CRAMP1: variants seen among roughly 807,000 people sequenced by gnomAD.
The protein encoded by CRAMP1 is protein cramped-like.
Under a neutral mutation model 115.4 loss-of-function variants are expected in CRAMP1, and 50 were observed. The ratio of observed to expected loss-of-function variants is 0.43; its 90% CI spans 0.35 to 0.55. CRAMP1 has a LOEUF of 0.55. Among genes scored for constraint, CRAMP1 ranks in the 20% least tolerant of loss-of-function variants. The pLI, the probability that CRAMP1 is intolerant of heterozygous loss-of-function variation, is 0.01. For missense variants in CRAMP1, 1,679 were observed against 1,721.7 expected (o/e 0.98, Z 0.44); for synonymous variants, 866 against 745.4 (o/e 1.16, Z -2.64).
At chr16:1,613,547 C>G (rs577732513) in intron 1 of CRAMP1, among the ~76,000 whole-genome samples, 1 of 152,194 alleles carries the variant, frequency 6.6e-6, no homozygotes, top group Non-Finnish European at 1.5e-5. Flanking sequence ...CACACGTGCC[C>G]GTCCCGGACT....
chr16:1,662,096 G>A (rs771690491), intron 11 of CRAMP1, among the ~76,000 whole-genome samples: 2 of 152,158 alleles, frequency 1.3e-5, no homozygotes, highest in East Asian at 3.9e-4. Flanking sequence ...CCCCAGAGAC[G>A]GTGTGGTCTA....
chr16:1,667,708 C>T (rs536754718), intron 17 of CRAMP1, among the ~76,000 whole-genome samples: 9 of 152,328 alleles, frequency 5.9e-5, no homozygotes, highest in Admixed American at 2.6e-4. Context: ...ACTCCCCCAG[C>T]CCCCACTCTC....
At position 1,674,137 on chromosome 16, in the gene CRAMP1, C is replaced by G; in HGVS notation, c.*92C>G. On this transcript the variant is annotated 3_prime_UTR_variant, in exon 21 of 21. Transcript: ENST00000397412. Reference sequence around the variant, plus strand: ...CAGAAGATGGTCTGAACAGAGGCATCTCCGCACCCAAGACTGTGCAACGGG... The same window carrying G: ...CAGAAGATGGTCTGAACAGAGGCATGTCCGCACCCAAGACTGTGCAACGGG... 1 of 1,293,664 alleles carries G rather than the reference C, an allele frequency of 7.7e-7. No individual in the cohort carries two copies. Among genetic ancestry groups the G allele is most frequent in the Non-Finnish European group, 1.1e-6 (1 of 938,022 alleles). 80.1% of individuals were successfully genotyped at this position (1,293,664 alleles called of 1,614,324 possible). A position where few individuals can be genotyped will look rare whatever the true frequency, so the allele number is the denominator to read the frequency against.
rs547491736 is a variant in CRAMP1, at chr16:1,615,961, G to A, written c.346+976G>A. Among the ~76,000 whole-genome samples, 4 of 152,314 alleles carry A rather than the reference G, an allele frequency of 2.6e-5. No individual in the cohort carries two copies. The East Asian group carries it at 7.7e-4, about 29-fold the overall frequency. Reference sequence around the variant, plus strand: ...AGGAAATATATTACGAACTAATGGAGAACCTGCTTTGGAGATCTGTGCCAC... The same window carrying A: ...AGGAAATATATTACGAACTAATGGAAAACCTGCTTTGGAGATCTGTGCCAC... On this transcript the variant is annotated intron_variant, in intron 2 of 20. Transcript: ENST00000397412.
intron 2 of CRAMP1, among the ~76,000 whole-genome samples, chr16:1,618,333 G>A (rs1024891176): frequency 2.0e-5 from 3 of 152,184 alleles, no homozygotes; most frequent in African/African-American, 7.2e-5. Context: ...GTCACAAGGT[G>A]TTTTACAGGC....
chr16:1,614,311 C>CCCGGGG lies in CRAMP1; in HGVS notation c.-1-304_-1-299dup, dbSNP rs562220790. 4.4e-3 allele frequency among the ~76,000 whole-genome samples: 630 copies of CCCGGGG among 144,264 alleles called. 4 individuals carry two copies. The highest frequency in any genetic ancestry group is 9.4e-3 in the African/African-American group (378 of 40,078). The allele number at this position is 144,264 out of a possible 152,430, so 94.6% of individuals were successfully genotyped here. ...CGCCCGCGCCGGGGCTCCCATAGACCCCGGGGCCGGGGCCGGGGCCGGGGC... is the reference window on the plus strand; with the variant it reads ...CGCCCGCGCCGGGGCTCCCATAGACCCCGGGGCCGGGGCCGGGGCCGGGGCCGGGGC... On this transcript the variant is annotated intron_variant, in intron 1 of 20. Coordinates refer to ENST00000397412, the MANE Select transcript of CRAMP1 (RefSeq NM_020825.4). This position sits in a 1 kb window ranked among gnomAD's most constrained non-coding sequence, Gnocchi z 4.4.
chr16:1,666,289 C>A lies in CRAMP1; in HGVS notation c.2857+112C>A. 8.5e-7 allele frequency: 1 copy of A among 1,170,634 alleles called. No individual in the cohort carries two copies. The highest frequency in any genetic ancestry group is 1.2e-6 in the Non-Finnish European group (1 of 807,794). 72.5% of individuals were successfully genotyped at this position (1,170,634 alleles called of 1,614,324 possible). Reference sequence around the variant, plus strand: ...CAAATCATAATGTCTCATTACCCTTCACCAAGAACATCTAAGCCCTTGGCT... The same window carrying A: ...CAAATCATAATGTCTCATTACCCTTAACCAAGAACATCTAAGCCCTTGGCT... On this transcript the variant is annotated intron_variant, in intron 15 of 20. Coordinates refer to ENST00000397412, the MANE Select transcript of CRAMP1 (RefSeq NM_020825.4). The surrounding 1 kb of genome is among the most constrained non-coding windows in gnomAD (Gnocchi z 5.0).
intron 6 of CRAMP1, among the ~76,000 whole-genome samples, chr16:1,648,703 T>A (rs2036697176): frequency 6.6e-6 from 1 of 152,178 alleles, no homozygotes. Context: ...ACATCATTAA[T>A]GTTCATAAAA....
At chr16:1,646,889 A>T (rs367875961) in intron 6 of CRAMP1, among the ~76,000 whole-genome samples, 2 of 152,248 alleles carry the variant, frequency 1.3e-5, no homozygotes, top group African/African-American at 4.8e-5. Flanking sequence ...AAGCTGTGCC[A>T]TCTGAAAGGA....
chr16:1,657,496 C>T (rs559134634), intron 10 of CRAMP1, among the ~76,000 whole-genome samples: 1 of 152,334 alleles, frequency 6.6e-6, no homozygotes, highest in East Asian at 1.9e-4. Flanking sequence ...AACAGGTTTC[C>T]ACAGAGGGAA....
intron 5 of CRAMP1, 68 bp from the exon 6 acceptor site, chr16:1,641,071 T>C (rs2036627852): frequency 9.2e-7 from 1 of 1,085,020 alleles, no homozygotes; most frequent in African/African-American, 1.5e-5. Flanking sequence ...CGGAATTGTA[T>C]GGGAATCTTC....
At chr16:1,615,916 T>C (rs2036415083) in intron 2 of CRAMP1, among the ~76,000 whole-genome samples, 1 of 152,226 alleles carries the variant, frequency 6.6e-6, no homozygotes, top group Admixed American at 6.5e-5. Context: ...ATTTAGTGAA[T>C]GGTCCTGGTA....
At chr16:1,665,975 C>A in intron 14 of CRAMP1, 98 bp from the exon 15 acceptor site, 5 of 776,054 alleles carry the variant, frequency 6.4e-6, no homozygotes, top group Non-Finnish European at 8.8e-6. Flanking sequence ...TCCCACACTC[C>A]CAACAGTGGC....
At chr16:1,649,527 T>A (rs538705841) in intron 6 of CRAMP1, among the ~76,000 whole-genome samples, 1 of 152,340 alleles carries the variant, frequency 6.6e-6, no homozygotes, top group South Asian at 2.1e-4. Flanking sequence ...TCTCACTCTG[T>A]TGCTCAGGCT....
In CRAMP1 at chr16:1,656,655, C is replaced by T. The variant is rs191084422; in HGVS notation, c.1898C>T (p.Ala633Val). ...CTGGATGTTTGCACTAAAGACTTGG[C>T]AGATGCACCTGCGGAGGAGCTCCAG... ...LLLDVCTKDLADAPAEELQEK... is the reference protein window; with the variant it reads ...LLLDVCTKDLVDAPAEELQEK... Residue 633 changes from alanine (A) to valine (V), a missense_variant, in exon 10 of 21, where the codon GCA becomes GTA. By Grantham distance (64) the Ala-to-Val change is moderately conservative (BLOSUM62 0). Transcript: ENST00000397412. The surrounding 1 kb of genome is among the most constrained non-coding windows in gnomAD (Gnocchi z 5.6). 233 of 1,577,240 alleles carry T rather than the reference C, an allele frequency of 1.5e-4. No individual in the cohort carries two copies. Among genetic ancestry groups the T allele is most frequent in the Non-Finnish European group, 1.4e-4 (168 of 1,162,690 alleles).
chr16:1,627,417 T>G (rs1261885487), intron 3 of CRAMP1, among the ~76,000 whole-genome samples: 1 of 152,198 alleles, frequency 6.6e-6, no homozygotes, highest in Non-Finnish European at 1.5e-5. Context: ...GGAGCCTTGT[T>G]CTTTTAATAG....
chr16:1,659,165 G>A (rs2036802081), intron 10 of CRAMP1, among the ~76,000 whole-genome samples: 1 of 152,170 alleles, frequency 6.6e-6, no homozygotes, highest in Admixed American at 6.5e-5. Context: ...TGACTCACAA[G>A]CAGAGAGGCT....
chr16:1,651,712 G>C (rs1443294065), intron 6 of CRAMP1, among the ~76,000 whole-genome samples: 4 of 148,176 alleles, frequency 2.7e-5, no homozygotes, highest in Admixed American at 6.7e-5. Flanking sequence ...AGGTCACACA[G>C]AGGTCACCTA....
chr16:1,615,197 C>T (rs1488830916), intron 2 of CRAMP1, among the ~76,000 whole-genome samples: 1 of 152,240 alleles, frequency 6.6e-6, no homozygotes, highest in Non-Finnish European at 1.5e-5. Context: ...TTTGAAGAGG[C>T]AGTGAGTATC....
Sources: gnomAD v4.1 joint callset for allele counts (sites outside exome capture counted in the v4.1 genomes callset) on GRCh38, gnomAD v4.1.1 for gene constraint, Gnocchi (gnomAD v3.1) non-coding constraint, MANE v1.5 for transcripts, NCBI Gene and HGNC (gene_info 2026-07-23, HGNC 2026-07-21) for gene names.